Variants in TTC21B observed in about 807,000 individuals in gnomAD.
TTC21B encodes tetratricopeptide repeat domain 21B, also known as tetratricopeptide repeat protein 21B.
In TTC21B, 127 loss-of-function variants were observed where a neutral mutation model predicts 175.1. The observed-to-expected ratio is 0.73, with a 90% confidence interval of 0.63 to 0.84. TTC21B has a LOEUF of 0.84. TTC21B is among the 40% of genes least tolerant of loss of function. The pLI is 0.00. For synonymous variants in TTC21B, 524 were observed against 524.5 expected (o/e 1.00, Z 0.01); for missense variants, 1,561 against 1,558.3 (o/e 1.00, Z -0.03).
chr2:165,912,668 A>G lies in TTC21B; in HGVS notation c.2212-44T>C, dbSNP rs376561402. ...AAAAATAAGCAATAAAAAATAGCAT[A>G]ACTGGGTCCCATTAAAGGGCAACAG... is the stretch of plus-strand genomic sequence containing the variant. On this transcript the variant is annotated intron_variant, in intron 16 of 28. Coordinates refer to ENST00000243344, the MANE Select transcript of TTC21B (RefSeq NM_024753.5). 2.0e-4 allele frequency: 289 copies of G among 1,459,646 alleles called. 1 individual carries two copies. Among genetic ancestry groups the G allele is most frequent in the Admixed American group, 1.8e-4 (11 of 59,852 alleles). The allele number at this position is 1,459,646 out of a possible 1,614,324, so 90.4% of individuals were successfully genotyped here.
intron 7 of TTC21B, among the ~76,000 whole-genome samples, chr2:165,932,648 T>C (rs1447517673): frequency 6.6e-6 from 1 of 152,084 alleles, no homozygotes; most frequent in Non-Finnish European, 1.5e-5. Flanking sequence ...CTAGTATCAC[T>C]AGTTACATTA....
At chr2:165,903,887 AT>A (rs1685645606) in intron 19 of TTC21B, among the ~76,000 whole-genome samples, 1 of 152,050 alleles carries the variant, frequency 6.6e-6, no homozygotes, top group Admixed American at 6.5e-5. Context: ...GCATCTTAAG[AT>A]TTGTCTCTTT....
intron 1 of TTC21B, among the ~76,000 whole-genome samples, chr2:165,951,158 T>G (rs1287602737): frequency 6.6e-6 from 1 of 152,172 alleles, no homozygotes; most frequent in Non-Finnish European, 1.5e-5. Flanking sequence ...GAATGACTTC[T>G]TACTTTGCCA....
At chr2:165,907,617 C>A (rs1463986482) in intron 19 of TTC21B, 61 bp downstream of exon 19, 2 of 1,080,234 alleles carry the variant, frequency 1.9e-6, no homozygotes, top group Non-Finnish European at 2.8e-6. Flanking sequence ...TTATACATGG[C>A]ATATTTCCTT....
chr2:165,930,878 G>C (rs186831789), intron 8 of TTC21B, among the ~76,000 whole-genome samples: 179 of 147,982 alleles, frequency 1.2e-3, no homozygotes, highest in African/African-American at 4.3e-3. Flanking sequence ...TCATGCCTTA[G>C]AATCTTCTTG....
intron 22 of TTC21B, among the ~76,000 whole-genome samples, chr2:165,891,354 C>G (rs968549318): frequency 6.6e-6 from 1 of 152,164 alleles, no homozygotes; most frequent in African/African-American, 2.4e-5. Flanking sequence ...GACAAGTTCA[C>G]TGTCGGTCTC....
intron 25 of TTC21B, among the ~76,000 whole-genome samples, chr2:165,884,468 G>T (rs1428709380): frequency 2.6e-5 from 4 of 152,072 alleles, no homozygotes; most frequent in African/African-American, 9.7e-5. Flanking sequence ...GCAGATGATG[G>T]TCCTTACCCA....
intron 12 of TTC21B, among the ~76,000 whole-genome samples, chr2:165,919,687 A>G (rs925169608): frequency 2.6e-5 from 4 of 152,212 alleles, no homozygotes; most frequent in Admixed American, 2.0e-4. Flanking sequence ...AAAGGATGAG[A>G]GCCAAGCACT....
chr2:165,948,736 T>A (rs1687669064), intron 3 of TTC21B: 1 of 152,366 alleles, frequency 6.6e-6, no homozygotes, highest in Non-Finnish European at 1.5e-5. Flanking sequence ...TGTTTTTTTT[T>A]AGAGATGGAG....
In TTC21B at chr2:165,927,271, T is replaced by TAC. The variant is rs1491089961; in HGVS notation, c.1386+1863_1386+1864insGT. 7.0e-4 allele frequency among the ~76,000 whole-genome samples: 32 copies of TAC among 45,652 alleles called. 7 individuals carry two copies. The highest frequency in any genetic ancestry group is 1.4e-3 in the Admixed American group (4 of 2,944). 29.9% of individuals were successfully genotyped at this position (45,652 alleles called of 152,430 possible). ...TTATATATATATATATCCTAGTAGTTATATATATATATATCCTAGTAGTTA... is the reference window on the plus strand; with the variant it reads ...TTATATATATATATATCCTAGTAGTTACATATATATATATATCCTAGTAGTTA... On this transcript the variant is annotated intron_variant, in intron 11 of 28. Coordinates refer to ENST00000243344, the MANE Select transcript of TTC21B (RefSeq NM_024753.5).
intron 1 of TTC21B, 150 bp from the exon 2 acceptor site, chr2:165,949,874 TA>T (rs1687707590): frequency 4.4e-6 from 3 of 677,048 alleles, no homozygotes; most frequent in Non-Finnish European, 7.5e-6. Flanking sequence ...TATTAATGGC[TA>T]GAACTCAATG....
At chr2:165,895,401 A>G (rs1685330359) in intron 22 of TTC21B, among the ~76,000 whole-genome samples, 1 of 152,178 alleles carries the variant, frequency 6.6e-6, no homozygotes, top group South Asian at 2.1e-4. Context: ...ACTTCTTCAA[A>G]TCTTAGAAAA....
chr2:165,918,135 A>G (rs1054160864), intron 13 of TTC21B, among the ~76,000 whole-genome samples: 2 of 152,210 alleles, frequency 1.3e-5, no homozygotes, highest in African/African-American at 4.8e-5. Flanking sequence ...GAGGTTCTCA[A>G]CCTTAGGCAG....
At chr2:165,895,267 T>C (rs1296975088) in intron 22 of TTC21B, among the ~76,000 whole-genome samples, 2 of 152,136 alleles carry the variant, frequency 1.3e-5, no homozygotes, top group Non-Finnish European at 2.9e-5. Context: ...TTATAAAAAA[T>C]TGCTTTTATA....
At position 165,924,608 on chromosome 2, in the gene TTC21B, C is replaced by CT. The variant is rs772694635; in HGVS notation, c.1456dup (p.Arg486LysfsTer22). The CT allele has an allele frequency of 1.2e-6, 2 of 1,613,800 alleles. No homozygotes were observed. The highest frequency in any genetic ancestry group is 4.5e-5 in the East Asian group (2 of 44,804). ...TGTTTGCAGAAGACCTGGAACAGTT[C>CT]TTACTACAGTCTCCAGGACTGAGAT... is the stretch of plus-strand genomic sequence containing the variant. On this transcript the variant is annotated frameshift_variant, in exon 12 of 29. Coordinates refer to ENST00000243344, the MANE Select transcript of TTC21B (RefSeq NM_024753.5). LOFTEE classifies it high-confidence loss of function.
At chr2:165,928,998 C>A in intron 11 of TTC21B, 137 bp downstream of exon 11, 1 of 777,580 alleles carries the variant, frequency 1.3e-6, no homozygotes, top group Non-Finnish European at 2.2e-6. Flanking sequence ...TGATTAAAAG[C>A]GATTTCAACT....
intron 3 of TTC21B, 150 bp downstream of exon 3, chr2:165,949,244 C>A (rs1687684527): frequency 1.5e-6 from 1 of 671,006 alleles, no homozygotes; most frequent in Non-Finnish European, 2.6e-6. Context: ...TGAATTTACA[C>A]CCTTGTCAGG....
At chr2:165,878,197 A>T (rs1484760425) in intron 27 of TTC21B, among the ~76,000 whole-genome samples, 1 of 152,236 alleles carries the variant, frequency 6.6e-6, no homozygotes, top group Non-Finnish European at 1.5e-5. Context: ...ACTATATTAT[A>T]ATCACAGAAT....
chr2:165,934,132 C>T (rs1043031275), intron 6 of TTC21B: 1 of 152,126 alleles, frequency 6.6e-6, no homozygotes, highest in Non-Finnish European at 1.5e-5. Flanking sequence ...GTTTGCTATA[C>T]ACCAATAGCT....
Sources: gnomAD v4.1 joint callset for allele counts (sites outside exome capture counted in the v4.1 genomes callset) on GRCh38, gnomAD v4.1.1 for gene constraint, MANE v1.5 for transcripts, NCBI Gene and HGNC (gene_info 2026-07-23, HGNC 2026-07-21) for gene names.